Variants in GABRG3 observed in about 807,000 individuals in gnomAD.
The protein encoded by GABRG3 is gamma-aminobutyric acid receptor subunit gamma-3.
GABRG3 carries 25 observed loss-of-function variants against 48.8 expected under a neutral mutation model. The observed-to-expected ratio is 0.51, with a 90% confidence interval of 0.37 to 0.72. The LOEUF is 0.72. Among genes scored for constraint, GABRG3 ranks in the 30% least tolerant of loss-of-function variants. The pLI, the probability that GABRG3 is intolerant of heterozygous loss-of-function variation, is 0.00. For missense variants in GABRG3, 394 were observed against 577.9 expected (o/e 0.68, Z 3.26); for synonymous variants, 227 against 217.6 (o/e 1.04, Z -0.38).
At chr15:27,401,367 A>C (rs1411030043) in intron 5 of GABRG3, among the ~76,000 whole-genome samples, 1 of 152,206 alleles carries the variant, frequency 6.6e-6, no homozygotes. Flanking sequence ...ATCAGATTGC[A>C]AAAAGGCCCC....
intron 3 of GABRG3, among the ~76,000 whole-genome samples, chr15:27,070,122 C>G (rs568785047): frequency 3.9e-5 from 6 of 152,346 alleles, no homozygotes; most frequent in Admixed American, 1.3e-4. Flanking sequence ...AGTCCTCCCC[C>G]ACGTGAGGAC....
intron 3 of GABRG3, among the ~76,000 whole-genome samples, chr15:27,222,524 G>A (rs1393283938): frequency 6.6e-6 from 1 of 152,184 alleles, no homozygotes; most frequent in African/African-American, 2.4e-5. Flanking sequence ...TGGATTCCAA[G>A]TACTTTGATT....
intron 3 of GABRG3, among the ~76,000 whole-genome samples, chr15:27,203,859 T>C (rs1888767401): frequency 6.6e-6 from 1 of 152,190 alleles, no homozygotes; most frequent in African/African-American, 2.4e-5. Flanking sequence ...TGTCTGTTCA[T>C]ATCCTTTGAA....
chr15:27,248,980 C>T (rs1890362545), intron 3 of GABRG3, among the ~76,000 whole-genome samples: 1 of 151,978 alleles, frequency 6.6e-6, no homozygotes, highest in Non-Finnish European at 1.5e-5. Context: ...CAGGCCCTGC[C>T]CTGGGCGGAT....
chr15:27,193,390 C>T lies in GABRG3; in HGVS notation c.271-133419C>T, dbSNP rs561468608. Among the ~76,000 whole-genome samples, 1,017 of 152,176 alleles carry T rather than the reference C, an allele frequency of 6.7e-3. 14 individuals carry two copies. Among genetic ancestry groups the T allele is most frequent in the African/African-American group, 0.023 (941 of 41,582 alleles). On this transcript the variant is annotated intron_variant, in intron 3 of 9. Transcript: ENST00000615808. ...GCTCCACCCAGTTCTAGCTTCCCGG[C>T]TGCTTTGTTTACCTAAGCAAGCCTG... is the stretch of plus-strand genomic sequence containing the variant.
intron 5 of GABRG3, among the ~76,000 whole-genome samples, chr15:27,388,268 A>T (rs1896071981): frequency 5.9e-5 from 3 of 50,980 alleles, no homozygotes; most frequent in Non-Finnish European, 1.1e-4. Context: ...GAAAGGAGGG[A>T]GGGAGGGTAA....
intron 3 of GABRG3, among the ~76,000 whole-genome samples, chr15:27,048,154 A>C (rs890219956): frequency 1.3e-5 from 2 of 152,094 alleles, no homozygotes; most frequent in African/African-American, 4.8e-5. Flanking sequence ...CAGGGGCCCC[A>C]TACCTGCCAG....
At chr15:27,111,687 C>T (rs1005672570) in intron 3 of GABRG3, among the ~76,000 whole-genome samples, 6 of 152,078 alleles carry the variant, frequency 3.9e-5, no homozygotes, top group African/African-American at 7.2e-5. Context: ...AGCTGTAACC[C>T]GCTGCTATAG....
chr15:27,272,316 G>T (rs561088572), intron 3 of GABRG3, among the ~76,000 whole-genome samples: 169 of 152,336 alleles, frequency 1.1e-3, no homozygotes, highest in African/African-American at 3.7e-3. Flanking sequence ...AGGTTCCACT[G>T]TCACAAAGAC....
intron 3 of GABRG3, among the ~76,000 whole-genome samples, chr15:27,176,409 G>C (rs1887747290): frequency 6.6e-6 from 1 of 152,164 alleles, no homozygotes; most frequent in African/African-American, 2.4e-5. Context: ...TTACTGAATA[G>C]CTTAGTGTTG....
chr15:27,485,494 A>G lies in GABRG3; in HGVS notation c.712+4707A>G, dbSNP rs866026636. ...TCACGGTGAGCATGCCACTGGAGCT[A>G]GAGCCCCTGGAGTTATCTGTACAGC... On this transcript the variant is annotated intron_variant, in intron 6 of 9. Transcript: ENST00000615808. Among the ~76,000 whole-genome samples, 24 of 152,184 alleles carry G rather than the reference A, an allele frequency of 1.6e-4. 1 individual carries two copies. Among genetic ancestry groups the G allele is most frequent in the South Asian group, 4.1e-4 (2 of 4,832 alleles).
chr15:27,452,544 A>C lies in GABRG3; in HGVS notation c.575-28106A>C, dbSNP rs141911940. Among the ~76,000 whole-genome samples the C allele has an allele frequency of 4.8e-3, 734 of 152,350 alleles. 6 individuals are homozygous for C. Among genetic ancestry groups the C allele is most frequent in the African/African-American group, 0.016 (685 of 41,580 alleles). ...AATTAACACACATTTCATTTGTTAT[A>C]TGCATTATATACTGGATTCTTACCA... On this transcript the variant is annotated intron_variant, in intron 5 of 9. Coordinates refer to ENST00000615808, the MANE Select transcript of GABRG3 (RefSeq NM_033223.5).
intron 7 of GABRG3, among the ~76,000 whole-genome samples, chr15:27,522,002 AC>A (rs550007965): frequency 6.6e-6 from 1 of 152,148 alleles, no homozygotes; most frequent in African/African-American, 2.4e-5. Flanking sequence ...TTGGTGAAAA[AC>A]ATCAGCCTAC....
intron 5 of GABRG3, among the ~76,000 whole-genome samples, chr15:27,441,000 C>T (rs1888767244): frequency 6.6e-6 from 1 of 152,158 alleles, no homozygotes; most frequent in African/African-American, 2.4e-5. Context: ...GAGGGATCTC[C>T]ACAGTCTGTT....
At chr15:27,393,083 T>C (rs28870744) in intron 5 of GABRG3, among the ~76,000 whole-genome samples, 69,296 of 151,988 alleles carry the variant, frequency 0.46, 16,909 homozygotes, top group East Asian at 0.99. Context: ...CAGTGGCTCA[T>C]GCCTGTAATC....
intron 3 of GABRG3, among the ~76,000 whole-genome samples, chr15:27,134,455 G>A (rs145116046): frequency 1.2e-3 from 188 of 152,190 alleles, no homozygotes; most frequent in African/African-American, 4.1e-3. Context: ...TGACCACCAT[G>A]GTGACTCTCC....
intron 5 of GABRG3, among the ~76,000 whole-genome samples, chr15:27,372,585 C>A (rs1014858106): frequency 6.6e-6 from 1 of 151,954 alleles, no homozygotes; most frequent in Non-Finnish European, 1.5e-5. Context: ...AGAGATGGGG[C>A]CTCGTTTTGC....
intron 3 of GABRG3, among the ~76,000 whole-genome samples, chr15:27,219,398 C>T (rs921844866): frequency 6.6e-6 from 1 of 152,194 alleles, no homozygotes; most frequent in Non-Finnish European, 1.5e-5. Flanking sequence ...GCAAGATAAC[C>T]TCCATTCCCT....
chr15:27,008,246 C>A (rs934520109), intron 2 of GABRG3, among the ~76,000 whole-genome samples: 2 of 152,146 alleles, frequency 1.3e-5, no homozygotes, highest in Non-Finnish European at 2.9e-5. Context: ...TGCATTAGAA[C>A]GTAATCACTA....
Sources: gnomAD v4.1 joint callset for allele counts (sites outside exome capture counted in the v4.1 genomes callset) on GRCh38, gnomAD v4.1.1 for gene constraint, MANE v1.5 for transcripts, NCBI Gene and HGNC (gene_info 2026-07-23, HGNC 2026-07-21) for gene names.